GFOD1: variants seen among roughly 807,000 people sequenced by gnomAD.
GFOD1 encodes glucose-fructose oxidoreductase domain-containing protein 1.
A neutral mutation model predicts 25.4 loss-of-function variants in GFOD1; 9 were observed. The observed-to-expected ratio is 0.35, with a 90% CI of 0.21 to 0.62. The LOEUF is 0.62. GFOD1 is among the 20% of genes least tolerant of loss of function. GFOD1 has a pLI of 0.72. For missense variants in GFOD1, 403 were observed against 556.9 expected (o/e 0.72, Z 2.78); for synonymous variants, 253 against 245.6 (o/e 1.03, Z -0.28).
chr6:13,484,651 T>G (rs1487027404), intron 1 of GFOD1, among the ~76,000 whole-genome samples: 1 of 152,138 alleles, frequency 6.6e-6, no homozygotes, highest in African/African-American at 2.4e-5. Context: ...ACAGGGATAT[T>G]TGAAAAATAA....
rs1785994283 is a variant in GFOD1 at position 13,408,857 on chromosome 6, G to C, written c.254-43195C>G. Among the ~76,000 whole-genome samples, 7 of 152,068 alleles carry C rather than the reference G, an allele frequency of 4.6e-5. No homozygotes were observed. The South Asian group carries it at 1.5e-3, about 32-fold the overall frequency. Reference sequence around the variant, plus strand: ...CCCAGCACTTTGGGAGGTGGAGGTGGGTGGATCACTTTGAGGTCAGGAGTT... The same window carrying C: ...CCCAGCACTTTGGGAGGTGGAGGTGCGTGGATCACTTTGAGGTCAGGAGTT... On this transcript the variant is annotated intron_variant, in intron 1 of 1. Coordinates refer to ENST00000379287, the MANE Select transcript of GFOD1 (RefSeq NM_018988.4).
chr6:13,465,300 T>C (rs1758360405), intron 1 of GFOD1, among the ~76,000 whole-genome samples: 1 of 152,196 alleles, frequency 6.6e-6, no homozygotes, highest in African/African-American at 2.4e-5. Flanking sequence ...AGAGCTATCC[T>C]GGGCCACATG....
chr6:13,485,188 T>C (rs1259397653), intron 1 of GFOD1, among the ~76,000 whole-genome samples: 1 of 152,252 alleles, frequency 6.6e-6, no homozygotes, highest in African/African-American at 2.4e-5. Context: ...AGGAATTCTA[T>C]CAGATGTTGC....
At chr6:13,414,394 CA>C (rs762933349) in intron 1 of GFOD1, among the ~76,000 whole-genome samples, 1 of 152,244 alleles carries the variant, frequency 6.6e-6, no homozygotes, top group Non-Finnish European at 1.5e-5. Context: ...ATCCAACCAA[CA>C]GAACAAAACT....
At chr6:13,396,211 G>A (rs1785726693) in intron 1 of GFOD1, among the ~76,000 whole-genome samples, 1 of 152,130 alleles carries the variant, frequency 6.6e-6, no homozygotes, top group South Asian at 2.1e-4. Context: ...GTTTGCCAGC[G>A]ACAGTACTAG....
intron 1 of GFOD1, among the ~76,000 whole-genome samples, chr6:13,481,800 T>C (rs1267878141): frequency 6.6e-6 from 1 of 152,234 alleles, no homozygotes; most frequent in African/African-American, 2.4e-5. Context: ...GCCAGTTAAT[T>C]AGGCAATATC....
At position 13,486,936 on chromosome 6, in the gene GFOD1, C is replaced by A. The variant is rs776191645; in HGVS notation, c.-46G>T. The A allele has an allele frequency of 1.9e-6, 3 of 1,583,328 alleles. No homozygotes were observed. The highest frequency in any genetic ancestry group is 2.6e-6 in the Non-Finnish European group (3 of 1,170,860). Reference sequence around the variant, plus strand: ...TTCTGCTTCTGCTCGGATCTCCAGTCCAACGCGCGCACACACCCACCTCTA... The same window carrying A: ...TTCTGCTTCTGCTCGGATCTCCAGTACAACGCGCGCACACACCCACCTCTA... On this transcript the variant is annotated 5_prime_UTR_variant, in exon 1 of 2. Transcript: ENST00000379287.
intron 1 of GFOD1, among the ~76,000 whole-genome samples, chr6:13,400,910 A>G (rs908353994): frequency 4.6e-5 from 7 of 152,222 alleles, no homozygotes; most frequent in Non-Finnish European, 7.3e-5. Context: ...CTTTATCACT[A>G]TTAGTCATTG....
chr6:13,438,730 T>C (rs1387280690), intron 1 of GFOD1, among the ~76,000 whole-genome samples: 1 of 152,172 alleles, frequency 6.6e-6, no homozygotes, highest in Non-Finnish European at 1.5e-5. Context: ...GACGAAGTAC[T>C]GATCTAGGAT....
intron 1 of GFOD1, among the ~76,000 whole-genome samples, chr6:13,415,849 A>G (rs1320686154): frequency 6.6e-6 from 1 of 152,198 alleles, no homozygotes; most frequent in Non-Finnish European, 1.5e-5. Flanking sequence ...CGTTCATTAA[A>G]CGAACATTGA....
At chr6:13,483,747 G>T (rs542455139) in intron 1 of GFOD1, among the ~76,000 whole-genome samples, 2 of 152,328 alleles carry the variant, frequency 1.3e-5, no homozygotes, top group African/African-American at 4.8e-5. Flanking sequence ...CAGAGGAACA[G>T]GTACAGCTGA....
At chr6:13,420,043 C>T (rs892366962) in intron 1 of GFOD1, among the ~76,000 whole-genome samples, 3 of 152,322 alleles carry the variant, frequency 2.0e-5, no homozygotes, top group African/African-American at 2.4e-5. Flanking sequence ...CGTGGTCTGC[C>T]TGTTCACTGC....
At chr6:13,449,078 G>T (rs1168999342) in intron 1 of GFOD1, among the ~76,000 whole-genome samples, 3 of 152,166 alleles carry the variant, frequency 2.0e-5, no homozygotes, top group African/African-American at 7.2e-5. Flanking sequence ...CTTGAAACCA[G>T]GGGTTTGAGA....
chr6:13,406,434 G>C (rs1479769576), intron 1 of GFOD1, among the ~76,000 whole-genome samples: 1 of 151,322 alleles, frequency 6.6e-6, no homozygotes, highest in African/African-American at 2.5e-5. Context: ...ACAAATACAA[G>C]GTAACACGGC....
chr6:13,376,768 C>T (rs2127557565), intron 1 of GFOD1, among the ~76,000 whole-genome samples: 1 of 152,300 alleles, frequency 6.6e-6, no homozygotes, highest in South Asian at 2.1e-4. Context: ...GAAACCTCAT[C>T]ACACATCCAA....
Position 13,364,914 on chromosome 6 carries a change from G to A in GFOD1, c.1002C>T (p.Ala334=), listed in dbSNP as rs61734018. ...CATACAGGCAGTCGTCGAAGGTGGC[G>A]GCCATGGTGAGGGGCCGCCCATCCC... ...RTWDGRPLTM[A]ATFDDCLYAL... The change falls in exon 2 of 2, where the codon GCC becomes GCT. Residue 334 remains alanine, a synonymous_variant. Coordinates refer to ENST00000379287, the MANE Select transcript of GFOD1 (RefSeq NM_018988.4). This position sits in a 1 kb window ranked among gnomAD's most constrained non-coding sequence, Gnocchi z 4.1. 3.8e-3 allele frequency: 6,154 copies of A among 1,613,172 alleles called. 203 individuals carry two copies. The African/African-American group carries it at 0.072, about 19-fold the overall frequency.
intron 1 of GFOD1, among the ~76,000 whole-genome samples, chr6:13,406,745 C>T (rs1356277129): frequency 6.6e-6 from 1 of 152,188 alleles, no homozygotes; most frequent in Non-Finnish European, 1.5e-5. Context: ...TCCATTGGGC[C>T]TTTAAAGTGT....
chr6:13,364,463 C>G lies in GFOD1; in HGVS notation c.*280G>C, dbSNP rs1203067110. The stretch of plus-strand genomic sequence containing the variant: ...TTGTCACAGTAAAGGGCAGCAGAGG[C>G]AGCTAAACCAAACCACTCTCGTGCA... On this transcript the variant is annotated 3_prime_UTR_variant, in exon 2 of 2. Transcript: ENST00000379287. This position sits in a 1 kb window ranked among gnomAD's most constrained non-coding sequence, Gnocchi z 4.1. The G allele has an allele frequency of 5.3e-5, 24 of 453,714 alleles. No individual in the cohort carries two copies. The highest frequency in any genetic ancestry group is 1.2e-5 in the Non-Finnish European group (3 of 251,198). 28.1% of individuals were successfully genotyped at this position (453,714 alleles called of 1,614,324 possible).
At chr6:13,407,992 G>A (rs1785978848) in intron 1 of GFOD1, 11 of 985,300 alleles carry the variant, frequency 1.1e-5, no homozygotes, top group Non-Finnish European at 1.3e-5. Flanking sequence ...ACCCAAAGGT[G>A]GGAGCACTTG....
Sources: allele counts gnomAD v4.1 joint callset (sites outside exome capture counted in the v4.1 genomes callset), GRCh38; gene constraint gnomAD v4.1.1; non-coding constraint Gnocchi (gnomAD v3.1); transcripts MANE v1.5; gene names NCBI Gene and HGNC (gene_info 2026-07-23, HGNC 2026-07-21).